Variants in AVL9 observed in about 807,000 individuals in gnomAD.
AVL9 encodes the protein late secretory pathway protein AVL9 homolog.
Under a neutral mutation model 79.2 loss-of-function variants are expected in AVL9, and 49 were observed. The ratio of observed to expected loss-of-function variants is 0.62; its 90% CI spans 0.49 to 0.79. The LOEUF is 0.79. AVL9 is among the 30% of genes least tolerant of loss of function. The pLI, the probability that AVL9 is intolerant of heterozygous loss-of-function variation, is 0.00. For missense variants in AVL9, 682 were observed against 776.8 expected, an observed-to-expected ratio of 0.88 and a Z score of 1.45; for synonymous variants, 299 against 280.6, an observed-to-expected ratio of 1.07 and a Z score of -0.65.
intron 7 of AVL9, among the ~76,000 whole-genome samples, chr7:32,554,041 A>G (rs1466432390): frequency 1.3e-5 from 2 of 152,168 alleles, no homozygotes; most frequent in Non-Finnish European, 2.9e-5. Flanking sequence ...TTGCAATTTC[A>G]TCGATCATGA....
chr7:32,546,069 C>CTTTTTTTTTTTTTTTTTTTTTTT (rs57046702), intron 3 of AVL9, among the ~76,000 whole-genome samples: 1 of 99,040 alleles, frequency 1.0e-5, no homozygotes. Flanking sequence ...TACCTGGAGA[C>CTTTTTTTTTTTTTTTTTTTTTTT]TTTTTTTTTT....
In AVL9 at chr7:32,579,471, AT is replaced by A. The variant is rs1237600362; in HGVS notation, c.1689-746del. Among the ~76,000 whole-genome samples the A allele has an allele frequency of 1.6e-3, 11 of 6,754 alleles. 2 individuals carry two copies. The highest frequency in any genetic ancestry group is 7.5e-3 in the African/African-American group (8 of 1,062). The allele number at this position is 6,754 out of a possible 152,430, so 4.4% of individuals were successfully genotyped here. ...ATATATTATATATTATATATAATAT[AT>A]TATATTATATATAATATATTACATA... is the stretch of plus-strand genomic sequence containing the variant. On this transcript the variant is annotated intron_variant, in intron 13 of 15. Transcript: ENST00000318709.
At chr7:32,526,383 T>G (rs968538149) in intron 1 of AVL9, among the ~76,000 whole-genome samples, 1 of 152,032 alleles carries the variant, frequency 6.6e-6, no homozygotes, top group Non-Finnish European at 1.5e-5. Flanking sequence ...ACTTGGAGTG[T>G]GATGGTCTGA....
intron 1 of AVL9, among the ~76,000 whole-genome samples, chr7:32,525,490 A>G (rs1788362406): frequency 6.6e-6 from 1 of 152,236 alleles, no homozygotes; most frequent in South Asian, 2.1e-4. Flanking sequence ...AATTGGTCTT[A>G]CTACAATTTC....
intron 13 of AVL9, among the ~76,000 whole-genome samples, chr7:32,579,560 TATTA>T (rs1160098096): frequency 0.057 from 315 of 5,482 alleles, 56 homozygotes; most frequent in Admixed American, 0.12. Flanking sequence ...TTATATATTA[TATTA>T]TATATTATAT....
chr7:32,568,372 T>C (rs1790679223), intron 10 of AVL9, among the ~76,000 whole-genome samples: 1 of 151,838 alleles, frequency 6.6e-6, no homozygotes, highest in Admixed American at 6.6e-5. Context: ...GGCTAATTTT[T>C]GAAATTTTAG....
intron 1 of AVL9, chr7:32,533,866 C>T (rs551957966): frequency 6.6e-6 from 1 of 152,136 alleles, no homozygotes; most frequent in Non-Finnish European, 1.5e-5. Flanking sequence ...CTTCTATTTG[C>T]CGTATGGTTC....
Position 32,558,991 on chromosome 7 carries a change from G to A in AVL9, c.742G>A (p.Asp248Asn). 1 of 1,613,554 alleles carries A rather than the reference G, an allele frequency of 6.2e-7. No homozygotes were observed. The highest frequency in any genetic ancestry group is 8.5e-7 in the Non-Finnish European group (1 of 1,179,750). ...QYRPRKSMSE[D>N]GGLQESNPCA... ...TAGACCCCGGAAAAGTATGTCTGAA[G>A]ATGGTGGGCTTCAGGAAAGTAACCC... is the stretch of plus-strand genomic sequence containing the variant. The change falls in exon 10 of 16, where the codon GAT becomes AAT. Residue 248 changes from aspartate to asparagine, a missense_variant. Asp to Asn is a conservative substitution (Grantham distance 23, BLOSUM62 1). Coordinates refer to ENST00000318709, the MANE Select transcript of AVL9 (RefSeq NM_015060.3).
At chr7:32,499,198 C>T (rs1787007823) in intron 1 of AVL9, among the ~76,000 whole-genome samples, 1 of 151,664 alleles carries the variant, frequency 6.6e-6, no homozygotes, top group Non-Finnish European at 1.5e-5. Context: ...GACATTAGAC[C>T]CTTTGGCATG....
chr7:32,505,240 C>T (rs1306805096), intron 1 of AVL9, among the ~76,000 whole-genome samples: 1 of 151,774 alleles, frequency 6.6e-6, no homozygotes, highest in Non-Finnish European at 1.5e-5. Flanking sequence ...AAAATAAACG[C>T]TTCGGCTGGG....
At position 32,551,498 on chromosome 7, in the gene AVL9, C is replaced by T. The variant is rs1468698934; in HGVS notation, c.462+75C>T. 19 of 744,304 alleles carry T rather than the reference C, an allele frequency of 2.6e-5. 1 individual carries two copies. In the South Asian group the frequency reaches 3.9e-4, roughly 15 times the overall value. 46.1% of individuals were successfully genotyped at this position (744,304 alleles called of 1,614,324 possible). A position where few individuals can be genotyped will look rare whatever the true frequency, so the allele number is the denominator to read the frequency against. On this transcript the variant is annotated intron_variant, in intron 5 of 15. Coordinates refer to ENST00000318709, the MANE Select transcript of AVL9 (RefSeq NM_015060.3). ...AATCAAGTAAATATTGTCAGTAATA[C>T]TGTGAAGGATAATTATTACCTTAAG...
intron 1 of AVL9, among the ~76,000 whole-genome samples, chr7:32,509,617 G>A (rs1007820276): frequency 3.3e-5 from 5 of 152,094 alleles, no homozygotes; most frequent in African/African-American, 9.7e-5. Context: ...TGTCTTGGCC[G>A]GGCGGGCGGA....
intron 1 of AVL9, among the ~76,000 whole-genome samples, chr7:32,540,816 A>G (rs1789147291): frequency 6.9e-6 from 1 of 145,092 alleles, no homozygotes; most frequent in African/African-American, 2.5e-5. Context: ...TAAAAATTAT[A>G]TTAATTCAAA....
At chr7:32,509,282 A>G (rs1362243283) in intron 1 of AVL9, among the ~76,000 whole-genome samples, 3 of 152,134 alleles carry the variant, frequency 2.0e-5, no homozygotes, top group Admixed American at 6.5e-5. Context: ...ATGAAGAAAA[A>G]TGAAGTCTGG....
At chr7:32,579,919 A>C (rs1791426623) in intron 13 of AVL9, among the ~76,000 whole-genome samples, 1 of 151,902 alleles carries the variant, frequency 6.6e-6, no homozygotes, top group Non-Finnish European at 1.5e-5. Context: ...CCCACCCAAG[A>C]CAGACCAAAT....
intron 1 of AVL9, among the ~76,000 whole-genome samples, chr7:32,540,386 A>T (rs1184466066): frequency 3.3e-5 from 5 of 152,238 alleles, no homozygotes; most frequent in Non-Finnish European, 5.9e-5. Context: ...TTCATGAGTC[A>T]GGCAGCATCA....
At chr7:32,547,457 CTTT>C (rs1472831853) in intron 3 of AVL9, among the ~76,000 whole-genome samples, 1 of 152,142 alleles carries the variant, frequency 6.6e-6, no homozygotes, top group East Asian at 1.9e-4. Context: ...AAATCTGTTC[CTTT>C]TAATACCTTT....
chr7:32,573,897 C>T (rs1790970774), intron 12 of AVL9, among the ~76,000 whole-genome samples: 1 of 152,118 alleles, frequency 6.6e-6, no homozygotes, highest in African/African-American at 2.4e-5. Flanking sequence ...ATTTATAACC[C>T]ATTCTAAGAA....
At position 32,559,187 on chromosome 7, in the gene AVL9, A is replaced by G. The variant is rs775770234; in HGVS notation, c.938A>G (p.Asn313Ser). ...SSKGQEPNDT[N>S]QYLKPPSRPS... is the part of the protein sequence containing the mutation. The stretch of plus-strand genomic sequence containing the variant: ...AAAGGGCAGGAACCCAATGATACCA[A>G]TCAATATTTGAAACCTCCATCTCGC... The change falls in exon 10 of 16, where the codon AAT becomes AGT. Residue 313 changes from asparagine (N) to serine (S), a missense_variant. Physicochemically the swap from Asn to Ser is conservative, Grantham distance 46. Coordinates refer to ENST00000318709, the MANE Select transcript of AVL9 (RefSeq NM_015060.3). 3.1e-6 allele frequency: 5 copies of G among 1,614,196 alleles called. No homozygotes were observed. The highest frequency in any genetic ancestry group is 1.6e-4 in the Middle Eastern group (1 of 6,062).
Sources: allele counts gnomAD v4.1 joint callset (sites outside exome capture counted in the v4.1 genomes callset), GRCh38; gene constraint gnomAD v4.1.1; transcripts MANE v1.5; gene names NCBI Gene and HGNC (gene_info 2026-07-23, HGNC 2026-07-21).